The following ADGRB3 variants were observed in gnomAD, a reference collection of about 807,000 sequenced individuals.
The protein encoded by ADGRB3 is adhesion G protein-coupled receptor B3, also known as brain-specific angiogenesis inhibitor 3.
Under a neutral mutation model 193.4 loss-of-function variants are expected in ADGRB3, and 37 were observed. The observed-to-expected ratio is 0.19, with a 90% CI of 0.15 to 0.25. ADGRB3 has a LOEUF of 0.25. ADGRB3 is among the 10% of genes least tolerant of loss of function. The pLI is 1.00. For missense variants in ADGRB3, 1,637 were observed against 1,852.9 expected (o/e 0.88, Z 2.14); for synonymous variants, 690 against 644.2 (o/e 1.07, Z -1.08).
intron 3 of ADGRB3, among the ~76,000 whole-genome samples, chr6:68,703,846 C>A (rs1342958696): frequency 6.6e-6 from 1 of 152,190 alleles, no homozygotes; most frequent in African/African-American, 2.4e-5. Flanking sequence ...TAGTCTCGAA[C>A]TCCTGACCTC....
chr6:69,283,012 G>A (rs1324619375), intron 20 of ADGRB3, among the ~76,000 whole-genome samples: 3 of 151,924 alleles, frequency 2.0e-5, no homozygotes, highest in Non-Finnish European at 4.4e-5. Context: ...CCATGAGGAA[G>A]TGAACTAATG....
intron 17 of ADGRB3, among the ~76,000 whole-genome samples, chr6:69,145,668 A>G (rs1465712451): frequency 6.6e-6 from 1 of 151,782 alleles, no homozygotes; most frequent in Non-Finnish European, 1.5e-5. Context: ...AGCTTTATTG[A>G]GTGATAGAGC....
intron 3 of ADGRB3, among the ~76,000 whole-genome samples, chr6:68,767,853 G>A (rs1023954360): frequency 1.4e-4 from 21 of 151,986 alleles, no homozygotes; most frequent in African/African-American, 4.8e-4. Context: ...CTCAGGATAC[G>A]AAATCAGTGT....
chr6:69,344,299 C>A (rs756214440), intron 26 of ADGRB3, among the ~76,000 whole-genome samples: 1 of 152,172 alleles, frequency 6.6e-6, no homozygotes, highest in Non-Finnish European at 1.5e-5. Context: ...CTAGGCTGCA[C>A]CAGATGAGGT....
At chr6:69,171,440 T>C (rs920102118) in intron 17 of ADGRB3, among the ~76,000 whole-genome samples, 1 of 152,242 alleles carries the variant, frequency 6.6e-6, no homozygotes, top group Non-Finnish European at 1.5e-5. Context: ...TGGTAGTTAT[T>C]CTGATTGCCA....
chr6:69,363,862 A>G (rs554672791), intron 29 of ADGRB3, among the ~76,000 whole-genome samples: 4 of 152,168 alleles, frequency 2.6e-5, no homozygotes, highest in Admixed American at 1.3e-4. Context: ...TGCAGGGTCA[A>G]CTGGTGAGGG....
At chr6:68,730,232 C>A (rs1336177484) in intron 3 of ADGRB3, among the ~76,000 whole-genome samples, 1 of 151,242 alleles carries the variant, frequency 6.6e-6, no homozygotes, top group Non-Finnish European at 1.5e-5. Flanking sequence ...ATTATGTGAC[C>A]TCATATAAGT....
At chr6:69,185,458 G>A (rs1561945715) in intron 17 of ADGRB3, among the ~76,000 whole-genome samples, 1 of 152,156 alleles carries the variant, frequency 6.6e-6, no homozygotes, top group Non-Finnish European at 1.5e-5. Flanking sequence ...AGCAGAGCCA[G>A]GAACATTTTC....
At chr6:69,206,495 AC>A (rs1189840483) in intron 17 of ADGRB3, among the ~76,000 whole-genome samples, 1 of 151,924 alleles carries the variant, frequency 6.6e-6, no homozygotes. Flanking sequence ...ACCCATACAC[AC>A]CTCCTGAGAT....
rs1205062688 is a variant in ADGRB3, at chr6:69,389,033, T to C, written c.*142T>C. 2 of 805,426 alleles carry C rather than the reference T, an allele frequency of 2.5e-6. No homozygotes were observed. The highest frequency in any genetic ancestry group is 1.9e-5 in the South Asian group (1 of 53,528). The allele number at this position is 805,426 out of a possible 1,614,324, so 49.9% of individuals were successfully genotyped here. ...GCCAAACGTCAGTGGTGTTTTCATA[T>C]GGTAACTTCTCACTAGTCAGGCTAG... On this transcript the variant is annotated 3_prime_UTR_variant, in exon 32 of 32. Transcript: ENST00000370598.
intron 3 of ADGRB3, among the ~76,000 whole-genome samples, chr6:68,869,445 A>C (rs890795547): frequency 5.3e-5 from 8 of 152,152 alleles, no homozygotes; most frequent in African/African-American, 1.9e-4. Flanking sequence ...CAGAAGCTTA[A>C]ATTTTCTGGA....
chr6:69,080,605 A>G (rs768606234), intron 17 of ADGRB3, among the ~76,000 whole-genome samples: 2 of 151,958 alleles, frequency 1.3e-5, no homozygotes, highest in African/African-American at 2.4e-5. Flanking sequence ...ATGTGGAAAC[A>G]TCTTCTACAG....
Position 68,639,344 on chromosome 6 carries a change from T to G in ADGRB3, c.669T>G (p.Asn223Lys), listed in dbSNP as rs1333695339. ...ILLNNVVLPLNEQTEGCLTQE... is the reference protein window; with the variant it reads ...ILLNNVVLPLKEQTEGCLTQE... ...TAAATAACGTGGTGTTACCCCTGAA[T>G]GAGCAGACAGAGGGCTGCCTGACCC... Residue 223 changes from asparagine to lysine, a missense_variant, in exon 3 of 32, where the codon AAT (asparagine) becomes AAG (lysine). Asn to Lys is a moderately conservative substitution (Grantham distance 94). Coordinates refer to ENST00000370598, the MANE Select transcript of ADGRB3 (RefSeq NM_001704.3). The G allele has an allele frequency of 1.2e-6, 2 of 1,614,016 alleles. No individual in the cohort carries two copies. Among genetic ancestry groups the G allele is most frequent in the Admixed American group, 3.3e-5 (2 of 60,014 alleles).
chr6:68,963,615 CA>C (rs1316863603), intron 8 of ADGRB3, among the ~76,000 whole-genome samples: 1 of 152,108 alleles, frequency 6.6e-6, no homozygotes, highest in Non-Finnish European at 1.5e-5. Context: ...TTTCTGAATA[CA>C]GGGGTGCATA....
intron 3 of ADGRB3, among the ~76,000 whole-genome samples, chr6:68,906,292 C>A (rs1766543183): frequency 6.6e-6 from 1 of 151,398 alleles, no homozygotes; most frequent in South Asian, 2.1e-4. Flanking sequence ...AGAAGGTATA[C>A]CACATATATT....
chr6:69,096,161 A>C (rs1772869710), intron 17 of ADGRB3, among the ~76,000 whole-genome samples: 1 of 152,168 alleles, frequency 6.6e-6, no homozygotes, highest in Non-Finnish European at 1.5e-5. Context: ...AAGTCCCTTT[A>C]GTTCATAAAT....
At chr6:69,278,057 G>A (rs1561974693) in intron 20 of ADGRB3, among the ~76,000 whole-genome samples, 3 of 152,270 alleles carry the variant, frequency 2.0e-5, no homozygotes, top group Non-Finnish European at 2.9e-5. Context: ...CACATAAGGT[G>A]CTTTTCTTCT....
rs554696155 is a variant in ADGRB3, at chr6:68,908,744, A to G, written c.758-21815A>G. Among the ~76,000 whole-genome samples the G allele has an allele frequency of 3.3e-5, 5 of 152,224 alleles. No individual in the cohort carries two copies. In the East Asian group the frequency reaches 9.6e-4, roughly 29 times the overall value. On this transcript the variant is annotated intron_variant, in intron 3 of 31. Coordinates refer to ENST00000370598, the MANE Select transcript of ADGRB3 (RefSeq NM_001704.3). ...TCCGTATTGCTATATAATTTCTATT[A>G]TTTCTATATATTTTTATCTTGAAGT...
At chr6:69,359,261 A>G (rs1769395917) in intron 28 of ADGRB3, among the ~76,000 whole-genome samples, 1 of 151,614 alleles carries the variant, frequency 6.6e-6, no homozygotes, top group Non-Finnish European at 1.5e-5. Context: ...AATCATTACA[A>G]TATCATTAAA....
Sources: gnomAD v4.1 joint callset for allele counts (sites outside exome capture counted in the v4.1 genomes callset) on GRCh38, gnomAD v4.1.1 for gene constraint, MANE v1.5 for transcripts, NCBI Gene and HGNC (gene_info 2026-07-23, HGNC 2026-07-21) for gene names.